The following BMAL1 variants were observed in gnomAD, a reference collection of about 807,000 sequenced individuals.
The protein encoded by BMAL1 is basic helix-loop-helix ARNT like 1.
At chr11:13,298,389 C>T in the BMAL1 span, among the ~76,000 whole-genome samples, 2 of 152,206 alleles carry the variant, frequency 1.3e-5, no homozygotes, top group East Asian at 1.9e-4. Context: ...TTTCAAATGT[C>T]ACCCTATTTA....
At chr11:13,296,176 T>A in the BMAL1 span, among the ~76,000 whole-genome samples, 1 of 152,170 alleles carries the variant, frequency 6.6e-6, no homozygotes, top group East Asian at 1.9e-4. Flanking sequence ...TGTCCCCTCC[T>A]TCTGGGAACC....
the BMAL1 span, among the ~76,000 whole-genome samples, chr11:13,369,447 C>T: frequency 6.6e-6 from 1 of 152,172 alleles, no homozygotes; most frequent in African/African-American, 2.4e-5. Context: ...AGACTGACAA[C>T]ACACCTGTCC....
chr11:13,309,017 A>G, the BMAL1 span, among the ~76,000 whole-genome samples: 1 of 152,186 alleles, frequency 6.6e-6, no homozygotes, highest in East Asian at 1.9e-4. Context: ...GTTGAATAAG[A>G]ATATGAATGT....
At chr11:13,378,280 T>A in the BMAL1 span, 3 of 1,519,794 alleles carry the variant, frequency 2.0e-6, no homozygotes, top group South Asian at 3.8e-5. Context: ...CTTTAATACA[T>A]AATAGTATTT....
chr11:13,283,170 A>G, the BMAL1 span, among the ~76,000 whole-genome samples: 9 of 152,224 alleles, frequency 5.9e-5, no homozygotes, highest in Non-Finnish European at 1.0e-4. Context: ...TAGCCTGGTT[A>G]AAGAAGGGGA....
chr11:13,322,778 CTTTTTTTTT>C, the BMAL1 span, among the ~76,000 whole-genome samples: 4 of 50,334 alleles, frequency 7.9e-5, no homozygotes, highest in Non-Finnish European at 1.1e-4. Flanking sequence ...GTGAGCAAGT[CTTTTTTTTT>C]TTTTTTTTTT....
chr11:13,384,515 C>A, the BMAL1 span, among the ~76,000 whole-genome samples: 1 of 152,158 alleles, frequency 6.6e-6, no homozygotes, highest in Non-Finnish European at 1.5e-5. Context: ...GAAACTTCTA[C>A]GTGTCAAGTT....
At chr11:13,385,620 C>T in the BMAL1 span, 2 of 1,177,818 alleles carry the variant, frequency 1.7e-6, no homozygotes, top group African/African-American at 1.5e-5. Flanking sequence ...CCACCCCATG[C>T]TTCATTTTCC....
At chr11:13,313,956 C>T in the BMAL1 span, among the ~76,000 whole-genome samples, 1 of 146,004 alleles carries the variant, frequency 6.8e-6, no homozygotes, top group Admixed American at 6.8e-5. Context: ...AGCCTAGCTA[C>T]CAACAGCCAT....
At chr11:13,278,776 G>C in the BMAL1 span, among the ~76,000 whole-genome samples, 9 of 152,254 alleles carry the variant, frequency 5.9e-5, no homozygotes, top group African/African-American at 2.2e-4. Flanking sequence ...GGCGCAGCGA[G>C]CCTGGCTCCA....
chr11:13,386,609 C>T, the BMAL1 span: 1 of 1,612,996 alleles, frequency 6.2e-7, no homozygotes, highest in South Asian at 1.1e-5. Flanking sequence ...AGAACCCCCA[C>T]ATAGGTATAG....
the BMAL1 span, among the ~76,000 whole-genome samples, chr11:13,359,838 G>A: frequency 2.6e-5 from 4 of 152,112 alleles, no homozygotes; most frequent in Admixed American, 6.5e-5. Flanking sequence ...ACATTGCCAC[G>A]CTCGTTTAAC....
At chr11:13,355,509 C>T in the BMAL1 span, among the ~76,000 whole-genome samples, 1 of 152,190 alleles carries the variant, frequency 6.6e-6, no homozygotes, top group African/African-American at 2.4e-5. Flanking sequence ...GCCTGGTCAC[C>T]ACCCAAGATT....
chr11:13,315,613 G>A, the BMAL1 span, among the ~76,000 whole-genome samples: 8 of 152,094 alleles, frequency 5.3e-5, 1 homozygote, highest in African/African-American at 1.4e-4. Flanking sequence ...CCTTCTATAC[G>A]CCACCGTTCC....
chr11:13,370,704 G>GA, the BMAL1 span, among the ~76,000 whole-genome samples: 1 of 152,106 alleles, frequency 6.6e-6, no homozygotes, highest in Non-Finnish European at 1.5e-5. Context: ...ATAAAGTGTA[G>GA]ACCCACATGC....
chr11:13,339,605 T>C, the BMAL1 span, among the ~76,000 whole-genome samples: 1 of 152,260 alleles, frequency 6.6e-6, no homozygotes, highest in African/African-American at 2.4e-5. Context: ...CTTCCTTAGC[T>C]GTCTCCTCTC....
chr11:13,325,758 A>T, the BMAL1 span, among the ~76,000 whole-genome samples: 1 of 151,554 alleles, frequency 6.6e-6, no homozygotes, highest in Non-Finnish European at 1.5e-5. Context: ...AAACCTTTTC[A>T]TCTCTGAGTA....
the BMAL1 span, among the ~76,000 whole-genome samples, chr11:13,365,143 G>A: frequency 2.6e-5 from 4 of 151,882 alleles, no homozygotes; most frequent in African/African-American, 9.7e-5. Context: ...TCTCCATAGA[G>A]TTGTTATTAT....
the BMAL1 span, among the ~76,000 whole-genome samples, chr11:13,297,605 T>A: frequency 1.3e-5 from 2 of 152,108 alleles, no homozygotes; most frequent in Admixed American, 1.3e-4. Context: ...TTGCCATGTG[T>A]CCCCATGTGT....
Sources: allele counts gnomAD v4.1 joint callset (sites outside exome capture counted in the v4.1 genomes callset), GRCh38; gene constraint gnomAD v4.1.1; transcripts MANE v1.5; gene names NCBI Gene and HGNC (gene_info 2026-07-23, HGNC 2026-07-21).